The following PPFIA2 variants were observed in gnomAD, a reference collection of about 807,000 sequenced individuals.
The protein encoded by PPFIA2 is liprin-alpha-2.
In PPFIA2, 46 loss-of-function variants were observed where a neutral mutation model predicts 175.5. The ratio of observed to expected loss-of-function variants is 0.26; its 90% CI spans 0.21 to 0.34. The LOEUF is 0.34. Among genes scored for constraint, PPFIA2 ranks in the 10% least tolerant of loss-of-function variants. The pLI is 1.00. For synonymous variants in PPFIA2, 568 were observed against 511.4 expected (o/e 1.11, Z -1.49); for missense variants, 1,179 against 1,506.1 (o/e 0.78, Z 3.60).
intron 4 of PPFIA2, among the ~76,000 whole-genome samples, chr12:81,549,732 T>A (rs1477534974): frequency 6.6e-6 from 1 of 151,926 alleles, no homozygotes; most frequent in Non-Finnish European, 1.5e-5. Context: ...ACAATAGCAA[T>A]CAGAATATAA....
At chr12:81,504,465 A>C (rs1237839403) in intron 4 of PPFIA2, among the ~76,000 whole-genome samples, 2 of 152,198 alleles carry the variant, frequency 1.3e-5, no homozygotes, top group Non-Finnish European at 2.9e-5. Flanking sequence ...CACCAGTTAG[A>C]ATGGCGATCA....
chr12:81,681,515 T>C (rs9651930), intron 3 of PPFIA2, among the ~76,000 whole-genome samples: 31,629 of 151,834 alleles, frequency 0.21, 3,956 homozygotes, highest in East Asian at 0.32. Flanking sequence ...TTCTCAGACT[T>C]GAGGAGTCTA....
At chr12:81,733,269 T>G (rs1236722991) in intron 3 of PPFIA2, among the ~76,000 whole-genome samples, 1 of 151,626 alleles carries the variant, frequency 6.6e-6, no homozygotes, top group African/African-American at 2.4e-5. Flanking sequence ...ATCAAGTGTT[T>G]AATCCTTGTT....
chr12:81,642,565 C>T (rs946861174), intron 4 of PPFIA2, among the ~76,000 whole-genome samples: 3 of 141,886 alleles, frequency 2.1e-5, no homozygotes, highest in African/African-American at 5.2e-5. Flanking sequence ...ACAAGCATTG[C>T]CCCTTATTAT....
At chr12:81,451,822 C>T (rs922883162) in intron 5 of PPFIA2, among the ~76,000 whole-genome samples, 1 of 151,854 alleles carries the variant, frequency 6.6e-6, no homozygotes, top group Admixed American at 6.6e-5. Flanking sequence ...ATATATATGG[C>T]CTAATTTAAG....
intron 21 of PPFIA2, among the ~76,000 whole-genome samples, chr12:81,336,232 A>T (rs2057111786): frequency 6.6e-6 from 1 of 152,230 alleles, no homozygotes; most frequent in African/African-American, 2.4e-5. Flanking sequence ...AAAGGATGTC[A>T]TAAGAAAATT....
chr12:81,391,370 A>G (rs1232396475), intron 8 of PPFIA2, among the ~76,000 whole-genome samples: 2 of 151,944 alleles, frequency 1.3e-5, no homozygotes, highest in Non-Finnish European at 2.9e-5. Context: ...AACATGTGCT[A>G]TAAGGAAATG....
chr12:81,337,384 G>C (rs2057302276), intron 21 of PPFIA2, among the ~76,000 whole-genome samples: 1 of 152,078 alleles, frequency 6.6e-6, no homozygotes, highest in South Asian at 2.1e-4. Flanking sequence ...ATTAACTTTT[G>C]CTAGTTTCTG....
chr12:81,288,792 G>C (rs557669442), intron 24 of PPFIA2, among the ~76,000 whole-genome samples: 5 of 151,650 alleles, frequency 3.3e-5, no homozygotes, highest in Non-Finnish European at 7.4e-5. Context: ...CTCATTATAA[G>C]ATAAATCCTT....
Position 81,510,406 on chromosome 12 carries a change from G to A in PPFIA2, c.304-52540C>T, listed in dbSNP as rs553904424. On this transcript the variant is annotated intron_variant, in intron 4 of 32. Coordinates refer to ENST00000549396, the MANE Select transcript of PPFIA2 (RefSeq NM_003625.5). Reference sequence around the variant, plus strand: ...TTTTACATTTGAATCTGGTAATTGTGTAATCTTTATCAGCAGAGCAAAAAG... The same window carrying A: ...TTTTACATTTGAATCTGGTAATTGTATAATCTTTATCAGCAGAGCAAAAAG... Among the ~76,000 whole-genome samples the A allele has an allele frequency of 3.7e-4, 56 of 152,140 alleles. 1 individual carries two copies. Among genetic ancestry groups the A allele is most frequent in the African/African-American group, 1.3e-3 (54 of 41,518 alleles).
At chr12:81,394,789 C>A (rs1033976184) in intron 8 of PPFIA2, among the ~76,000 whole-genome samples, 2 of 149,762 alleles carry the variant, frequency 1.3e-5, no homozygotes, top group Non-Finnish European at 3.0e-5. Flanking sequence ...CCTGCATATT[C>A]TGCATGTGTC....
intron 4 of PPFIA2, among the ~76,000 whole-genome samples, chr12:81,525,245 T>C (rs577364457): frequency 2.0e-5 from 3 of 152,332 alleles, no homozygotes; most frequent in South Asian, 2.1e-4. Flanking sequence ...GTTCACTTTC[T>C]ATACATTCCC....
At chr12:81,483,011 T>C (rs2058423103) in intron 4 of PPFIA2, among the ~76,000 whole-genome samples, 1 of 152,180 alleles carries the variant, frequency 6.6e-6, no homozygotes, top group Non-Finnish European at 1.5e-5. Context: ...AAAAATTGAA[T>C]TGTGTTTTAT....
chr12:81,660,896 C>A (rs1045604452), intron 4 of PPFIA2, among the ~76,000 whole-genome samples: 2 of 152,150 alleles, frequency 1.3e-5, no homozygotes, highest in Non-Finnish European at 2.9e-5. Flanking sequence ...CAATATTCAA[C>A]ATTCTTAAAG....
rs772468380 is a variant in PPFIA2, at chr12:81,558,318, G to A, written c.304-100452C>T. The stretch of plus-strand genomic sequence containing the variant: ...ACTTCTCAAGTTGTGGAGCTTGGAC[G>A]TAAGCCAGTACTTAGAATGAATGGA... On this transcript the variant is annotated intron_variant, in intron 4 of 32. Coordinates refer to ENST00000549396, the MANE Select transcript of PPFIA2 (RefSeq NM_003625.5). 5.9e-5 allele frequency among the ~76,000 whole-genome samples: 9 copies of A among 152,204 alleles called. No homozygotes were observed. In the South Asian group the frequency reaches 8.3e-4, roughly 14 times the overall value.
chr12:81,512,152 T>C, intron 4 of PPFIA2: 1 of 340,272 alleles, frequency 2.9e-6, no homozygotes. Context: ...TCCGTCAATG[T>C]CAGCATGTTA....
intron 7 of PPFIA2, among the ~76,000 whole-genome samples, chr12:81,407,541 G>C (rs1303192446): frequency 7.0e-6 from 1 of 142,846 alleles, no homozygotes. Flanking sequence ...TTAAAATTTT[G>C]TTAAAAAAAC....
chr12:81,656,985 A>C (rs2067887906), intron 4 of PPFIA2, among the ~76,000 whole-genome samples: 1 of 152,172 alleles, frequency 6.6e-6, no homozygotes, highest in Non-Finnish European at 1.5e-5. Context: ...TTTATTATGA[A>C]TATACAATCA....
intron 19 of PPFIA2, among the ~76,000 whole-genome samples, 198 bp from the exon 20 acceptor site, chr12:81,341,406 T>A (rs182587292): frequency 2.0e-4 from 30 of 150,492 alleles, no homozygotes; most frequent in Admixed American, 4.7e-4. Flanking sequence ...ATTGGACACA[T>A]TAAAATTAAA....
Sources: allele counts gnomAD v4.1 joint callset (sites outside exome capture counted in the v4.1 genomes callset), GRCh38; gene constraint gnomAD v4.1.1; transcripts MANE v1.5; gene names NCBI Gene and HGNC (gene_info 2026-07-23, HGNC 2026-07-21).